LPAR1: variants seen among roughly 807,000 people sequenced by gnomAD.
The protein encoded by LPAR1 is lysophosphatidic acid receptor 1, also known as LPA receptor 1.
In LPAR1, 5 loss-of-function variants were observed where a neutral mutation model predicts 23.8. That is an observed-to-expected ratio of 0.21 (90% CI 0.11 to 0.44). The LOEUF (loss-of-function observed/expected upper bound fraction) is 0.44, where lower values mean the gene tolerates loss of function less well. Among genes scored for constraint, LPAR1 ranks in the 20% least tolerant of loss-of-function variants. The pLI is 0.99. For synonymous variants in LPAR1, 160 were observed against 164.7 expected (o/e 0.97, Z 0.22); for missense variants, 311 against 482.8 (o/e 0.64, Z 3.33).
At chr9:111,032,546 GAA>G (rs530761631) in intron 2 of LPAR1, among the ~76,000 whole-genome samples, 1 of 151,968 alleles carries the variant, frequency 6.6e-6, no homozygotes, top group Admixed American at 6.6e-5. Flanking sequence ...GAGATGGGGG[GAA>G]AAAAAGTTTC....
chr9:110,992,605 G>T (rs1355176054), intron 2 of LPAR1, among the ~76,000 whole-genome samples: 1 of 151,372 alleles, frequency 6.6e-6, no homozygotes, highest in African/African-American at 2.5e-5. Flanking sequence ...ATTCATAAAT[G>T]AATGGACAAA....
intron 2 of LPAR1, among the ~76,000 whole-genome samples, chr9:111,007,728 A>G (rs2097249412): frequency 1.3e-5 from 2 of 152,216 alleles, no homozygotes; most frequent in Admixed American, 1.3e-4. Flanking sequence ...ATCAAAAGCC[A>G]GACAAACACA....
chr9:110,917,929 G>T (rs1232061597), intron 5 of LPAR1, among the ~76,000 whole-genome samples: 2 of 151,864 alleles, frequency 1.3e-5, no homozygotes, highest in Non-Finnish European at 2.9e-5. Context: ...TTGAGACTGG[G>T]TCTCGCTCTG....
intron 2 of LPAR1, among the ~76,000 whole-genome samples, chr9:110,985,406 A>T (rs928000851): frequency 7.2e-5 from 9 of 125,732 alleles, no homozygotes; most frequent in African/African-American, 2.6e-4. Context: ...TTATTTTCAA[A>T]TTGGTCTAAA....
At chr9:110,898,803 T>G (rs2087487354) in intron 5 of LPAR1, among the ~76,000 whole-genome samples, 1 of 152,244 alleles carries the variant, frequency 6.6e-6, no homozygotes, top group Non-Finnish European at 1.5e-5. Flanking sequence ...TAGCAGTGAA[T>G]TCTTATTTTT....
intron 2 of LPAR1, among the ~76,000 whole-genome samples, chr9:110,987,673 T>TAC (rs1324126162): frequency 2.6e-5 from 1 of 38,066 alleles, no homozygotes; most frequent in African/African-American, 1.9e-4. Context: ...CCTACATGTA[T>TAC]ATATATATAT....
At chr9:110,906,457 A>C (rs945553901) in intron 5 of LPAR1, among the ~76,000 whole-genome samples, 3 of 152,238 alleles carry the variant, frequency 2.0e-5, no homozygotes, top group Non-Finnish European at 2.9e-5. Flanking sequence ...TCATCTCCAT[A>C]ATTTTAGCCT....
chr9:110,970,713 T>G (rs1258704349), intron 4 of LPAR1, among the ~76,000 whole-genome samples: 1 of 152,116 alleles, frequency 6.6e-6, no homozygotes, highest in Non-Finnish European at 1.5e-5. Context: ...CACAAACCCC[T>G]ACTTAAAATA....
At chr9:110,977,748 T>C (rs2096581200) in intron 2 of LPAR1, among the ~76,000 whole-genome samples, 1 of 148,262 alleles carries the variant, frequency 6.7e-6, no homozygotes, top group Non-Finnish European at 1.5e-5. Context: ...TCTGCACATG[T>C]ATCCCGGAAC....
chr9:110,934,829 C>T (rs911600961), intron 5 of LPAR1, among the ~76,000 whole-genome samples: 1 of 150,272 alleles, frequency 6.7e-6, no homozygotes, highest in Non-Finnish European at 1.5e-5. Context: ...CAAACACACA[C>T]ACACACACAC....
chr9:110,893,173 C>A (rs2133352267), intron 5 of LPAR1, among the ~76,000 whole-genome samples: 1 of 152,280 alleles, frequency 6.6e-6, no homozygotes, highest in Non-Finnish European at 1.5e-5. Flanking sequence ...ATTTGACCAT[C>A]TTTTTGAAGG....
chr9:110,972,377 A>T (rs920151895), intron 3 of LPAR1, among the ~76,000 whole-genome samples, 157 bp from the exon 4 acceptor site: 2 of 152,192 alleles, frequency 1.3e-5, no homozygotes, highest in African/African-American at 4.8e-5. Flanking sequence ...AAGGTCTAAA[A>T]GCCACGACTT....
intron 5 of LPAR1, chr9:110,934,310 C>T (rs1215714945): frequency 6.6e-6 from 1 of 152,210 alleles, no homozygotes; most frequent in Non-Finnish European, 1.5e-5. Flanking sequence ...AAAGTAAAGC[C>T]CCCAGATTCA....
intron 2 of LPAR1, among the ~76,000 whole-genome samples, chr9:111,034,113 A>C (rs183122929): frequency 9.2e-5 from 14 of 152,350 alleles, no homozygotes; most frequent in Non-Finnish European, 1.5e-5. Flanking sequence ...AGTTACTTCT[A>C]CTGGAAGTTA....
At chr9:110,988,079 C>T (rs1402011874) in intron 2 of LPAR1, among the ~76,000 whole-genome samples, 1 of 100,224 alleles carries the variant, frequency 1.0e-5, no homozygotes, top group African/African-American at 4.5e-5. Context: ...TGATCAACAT[C>T]TTTAAAATAA....
chr9:110,898,396 A>T (rs1157446479), intron 5 of LPAR1, among the ~76,000 whole-genome samples: 1 of 152,238 alleles, frequency 6.6e-6, no homozygotes, highest in African/African-American at 2.4e-5. Context: ...GCAAAGAAAC[A>T]TGAATTTAAA....
intron 2 of LPAR1, among the ~76,000 whole-genome samples, chr9:111,009,998 AAT>A (rs55696642): frequency 8.7e-4 from 107 of 123,322 alleles, no homozygotes; most frequent in African/African-American, 2.1e-3. Context: ...TAATTAGGAA[AAT>A]ATATATATAT....
intron 5 of LPAR1, among the ~76,000 whole-genome samples, chr9:110,883,003 T>A (rs2081296059): frequency 6.6e-6 from 1 of 152,152 alleles, no homozygotes; most frequent in Non-Finnish European, 1.5e-5. Context: ...TTTTGTCTTG[T>A]TTGGGGGCTA....
At chr9:111,016,540 A>C (rs747196347) in intron 2 of LPAR1, among the ~76,000 whole-genome samples, 3 of 152,066 alleles carry the variant, frequency 2.0e-5, no homozygotes, top group East Asian at 1.9e-4. Context: ...AAGTAAAAAG[A>C]CTCCACAAAA....
Sources: allele counts gnomAD v4.1 joint callset (sites outside exome capture counted in the v4.1 genomes callset), GRCh38; gene constraint gnomAD v4.1.1; transcripts MANE v1.5; gene names NCBI Gene and HGNC (gene_info 2026-07-23, HGNC 2026-07-21).